Variants in OPN1SW observed in about 807,000 individuals in gnomAD.
OPN1SW encodes short-wave-sensitive opsin 1.
A neutral mutation model predicts 31.9 loss-of-function variants in OPN1SW; 25 were observed. The ratio of observed to expected loss-of-function variants is 0.78; its 90% confidence interval spans 0.57 to 1.09. OPN1SW has a LOEUF of 1.09. OPN1SW is among the 50% of genes least tolerant of loss of function. The pLI, the probability that OPN1SW is intolerant of heterozygous loss-of-function variation, is 0.00. For missense variants in OPN1SW, 424 were observed against 448.0 expected (o/e 0.95, Z 0.48); for synonymous variants, 190 against 171.9 (o/e 1.11, Z -0.82).
intron 3 of OPN1SW, 72 bp from the exon 4 acceptor site, chr7:128,773,960 TA>T (rs56762413): frequency 2.2e-4 from 314 of 1,402,972 alleles, no homozygotes; most frequent in Non-Finnish European, 2.6e-4. Flanking sequence ...TTTTTTTTTT[TA>T]ATTTTTAATT....
chr7:128,773,468 C>G (rs907370859), intron 4 of OPN1SW, among the ~76,000 whole-genome samples, 181 bp downstream of exon 4: 1 of 152,100 alleles, frequency 6.6e-6, no homozygotes, highest in Non-Finnish European at 1.5e-5. Context: ...ATTTTCTCGT[C>G]TTGATAACCG....
chr7:128,775,420 C>T lies in OPN1SW; in HGVS notation c.343+19G>A. On this transcript the variant is annotated intron_variant, in intron 1 of 4. Transcript: ENST00000249389. ...TAGCAACCTTTGCCTTCCCCTAACC[C>T]CTTTTTCCCCTGCAGTACCTGCTAC... The T allele has an allele frequency of 1.2e-6, 2 of 1,606,780 alleles. No homozygotes were observed. Among genetic ancestry groups the T allele is most frequent in the South Asian group, 1.1e-5 (1 of 90,730 alleles).
At chr7:128,774,430 T>C (rs17397588) in intron 3 of OPN1SW, 68 bp downstream of exon 3, 544,334 of 1,591,898 alleles carry the variant, frequency 0.34, 99,731 homozygotes, top group Middle Eastern at 0.39. Flanking sequence ...ATCTTATGTT[T>C]CAGAGCACTC....
At chr7:128,772,786 G>A in intron 4 of OPN1SW, 127 bp from the exon 5 acceptor site, 1 of 1,241,210 alleles carries the variant, frequency 8.1e-7, no homozygotes, top group Non-Finnish European at 1.2e-6. Flanking sequence ...AGGTGGTTTT[G>A]AATCTATCTT....
rs1554370107 is a variant in OPN1SW at position 128,774,513 on chromosome 7, C to G, written c.663G>C (p.Leu221=). 3.2e-5 allele frequency: 51 copies of G among 1,613,966 alleles called. 1 individual carries two copies. The South Asian group carries it at 5.2e-4, about 16-fold the overall frequency. Residue 221 remains leucine, a synonymous_variant, in exon 3 of 5, where the codon CTG becomes CTC. Transcript: ENST00000249389. ...SLICFSYTQL[L]RALKAVAAQQ... ...TGCCACTCACAGCTTTCAGGGCCCT[C>G]AGCAGCTGAGTGTAGGAGAAGCAGA...
chr7:128,774,018 G>C (rs746307458), intron 3 of OPN1SW, 130 bp from the exon 4 acceptor site: 6 of 1,267,156 alleles, frequency 4.7e-6, no homozygotes, highest in Non-Finnish European at 6.4e-6. Flanking sequence ...GCCCAGGCTG[G>C]AGTTGCAGTG....
At position 128,774,583 on chromosome 7, in the gene OPN1SW, G is replaced by C. The variant is rs1041014166; in HGVS notation, c.593C>G (p.Thr198Arg). ...GAAGCAGAAGATGAAGAGGAACCAC[G>C]TATAGGACTCGCTGCGGTATTTGGT... ...VGTKYRSESY[T>R]WFLFIFCFIV... is the part of the protein sequence containing the mutation. The change falls in exon 3 of 5, where the codon ACG becomes AGG. Residue 198 changes from threonine to arginine, a missense_variant. Thr to Arg is a moderately conservative substitution (Grantham distance 71). Coordinates refer to ENST00000249389, the MANE Select transcript of OPN1SW (RefSeq NM_001385125.1). 4 of 1,614,006 alleles carry C rather than the reference G, an allele frequency of 2.5e-6. No individual in the cohort carries two copies. The highest frequency in any genetic ancestry group is 1.7e-5 in the Admixed American group (1 of 59,986).
At chr7:128,772,941 C>T (rs1400934316) in intron 4 of OPN1SW, among the ~76,000 whole-genome samples, 6 of 152,232 alleles carry the variant, frequency 3.9e-5, no homozygotes, top group Non-Finnish European at 7.3e-5. Context: ...GAGGCCCCTC[C>T]ATTACTAGCA....
rs756329878 is a variant in OPN1SW, at chr7:128,775,137, A to G, written c.361T>C (p.Ser121Pro). 1 of 1,614,142 alleles carries G rather than the reference A, an allele frequency of 6.2e-7. No homozygotes were observed. Among genetic ancestry groups the G allele is most frequent in the Non-Finnish European group, 8.5e-7 (1 of 1,180,018 alleles). Residue 121 changes from serine to proline, a missense_variant, in exon 2 of 5, where the codon TCA becomes CCA. Transcript: ENST00000249389. ...CGCTCAAAGGCCAGGAAGGCCAGTG[A>G]CCATCCTGTAACCAGACCTGTGGTG... ...GTVAGLVTGW[S>P]LAFLAFERYI...
chr7:128,774,592 T>A lies in OPN1SW; in HGVS notation c.584A>T (p.Glu195Val). Residue 195 changes from glutamate (E) to valine (V), a missense_variant, in exon 3 of 5, where the codon GAG becomes GTG. By Grantham distance (121) the Glu-to-Val change is moderately radical. Coordinates refer to ENST00000249389, the MANE Select transcript of OPN1SW (RefSeq NM_001385125.1). ...GATGAAGAGGAACCACGTATAGGAC[T>A]CGCTGCGGTATTTGGTGCCCACGGT... ...WYTVGTKYRS[E>V]SYTWFLFIFC... The A allele has an allele frequency of 6.2e-7, 1 of 1,614,156 alleles. No individual in the cohort carries two copies. The highest frequency in any genetic ancestry group is 8.5e-7 in the Non-Finnish European group (1 of 1,180,038).
In OPN1SW at chr7:128,775,410, TC is replaced by T. The variant is rs746061098; in HGVS notation, c.343+28del. The stretch of plus-strand genomic sequence containing the variant: ...TCCAGTGGAGTAGCAACCTTTGCCT[TC>T]CCCTAACCCCTTTTTCCCCTGCAGT... On this transcript the variant is annotated intron_variant, in intron 1 of 4. Coordinates refer to ENST00000249389, the MANE Select transcript of OPN1SW (RefSeq NM_001385125.1). 17 of 1,596,378 alleles carry T rather than the reference TC, an allele frequency of 1.1e-5. No homozygotes were observed. In the East Asian group the frequency reaches 3.8e-4, roughly 36 times the overall value.
At position 128,772,502 on chromosome 7, in the gene OPN1SW, T is replaced by C. The variant is rs1406268333; in HGVS notation, c.*38A>G. On this transcript the variant is annotated 3_prime_UTR_variant, in exon 5 of 5. Coordinates refer to ENST00000249389, the MANE Select transcript of OPN1SW (RefSeq NM_001385125.1). Reference sequence around the variant, plus strand: ...ATAGAAACTTACTTAAAAGTAAAATTTAATTCTAGCTGTTGCAAACAGGCC... The same window carrying C: ...ATAGAAACTTACTTAAAAGTAAAATCTAATTCTAGCTGTTGCAAACAGGCC... 6.2e-7 allele frequency: 1 copy of C among 1,613,646 alleles called. No individual in the cohort carries two copies. Among genetic ancestry groups the C allele is most frequent in the Non-Finnish European group, 8.5e-7 (1 of 1,179,584 alleles).
intron 3 of OPN1SW, 69 bp from the exon 4 acceptor site, chr7:128,773,957 T>C: frequency 6.8e-7 from 1 of 1,474,602 alleles, no homozygotes; most frequent in Non-Finnish European, 9.0e-7. Flanking sequence ...TTTTTTTTTT[T>C]TTTAATTTTT....
chr7:128,775,743 A>G lies in OPN1SW; in HGVS notation c.39T>C (p.Ser13=), dbSNP rs373666894. Residue 13 remains serine, a synonymous_variant, in exon 1 of 5, where the codon TCT becomes TCC. Transcript: ENST00000249389. ...EEEFYLFKNI[S]SVGPWDGPQY... is the part of the protein sequence containing the mutation. ...GAGGCCCATCCCACGGCCCCACTGA[A>G]GAGATATTTTTGAACAGATAAAACT... The G allele has an allele frequency of 2.5e-6, 4 of 1,613,956 alleles. No homozygotes were observed. Among genetic ancestry groups the G allele is most frequent in the African/African-American group, 1.3e-5 (1 of 74,878 alleles).
At position 128,772,539 on chromosome 7, in the gene OPN1SW, C is replaced by T. The variant is rs772553185; in HGVS notation, c.*1G>A. The T allele has an allele frequency of 2.5e-6, 4 of 1,614,086 alleles. No individual in the cohort carries two copies. Among genetic ancestry groups the T allele is most frequent in the Non-Finnish European group, 2.5e-6 (3 of 1,180,014 alleles). ...GTTGCAAACAGGCCAATATTGGGTC[C>T]TCAGTTGGGGCCAACTTGGGTAGAC... On this transcript the variant is annotated 3_prime_UTR_variant, in exon 5 of 5. Coordinates refer to ENST00000249389, the MANE Select transcript of OPN1SW (RefSeq NM_001385125.1).
In OPN1SW at chr7:128,773,606, C is replaced by T. The variant is rs755095845; in HGVS notation, c.918+43G>A. On this transcript the variant is annotated intron_variant, in intron 4 of 4. Coordinates refer to ENST00000249389, the MANE Select transcript of OPN1SW (RefSeq NM_001385125.1). ...TTAAAAGTCAATGGTGAGAAAAGAA[C>T]CAGGGTCTTCTGGACCATAGGAATG... 11 of 1,613,638 alleles carry T rather than the reference C, an allele frequency of 6.8e-6. No individual in the cohort carries two copies. In the Admixed American group the frequency reaches 1.8e-4, roughly 27 times the overall value.
intron 3 of OPN1SW, 112 bp downstream of exon 3, chr7:128,774,386 T>G: frequency 7.1e-7 from 1 of 1,414,538 alleles, no homozygotes; most frequent in Non-Finnish European, 9.9e-7. Flanking sequence ...TTGCTGCTTT[T>G]AGATACCCTC....
chr7:128,775,171 G>T lies in OPN1SW; in HGVS notation c.344-17C>A. 6.2e-7 allele frequency: 1 copy of T among 1,613,454 alleles called. No individual in the cohort carries two copies. The highest frequency in any genetic ancestry group is 8.5e-7 in the Non-Finnish European group (1 of 1,179,634). ...TAACCAGACCTGTGGTGAAATGTGA[G>T]GATAATGGGCTAGACAGAGCCCCAC... On this transcript the variant is annotated splice_polypyrimidine_tract_variant and intron_variant, in intron 1 of 4. Coordinates refer to ENST00000249389, the MANE Select transcript of OPN1SW (RefSeq NM_001385125.1).
At position 128,773,778 on chromosome 7, in the gene OPN1SW, C is replaced by T. The variant is rs775611802; in HGVS notation, c.789G>A (p.Ala263=). ...GSFCVCYVPY[A]AFAMYMVNNR... ...TGTTGACCATGTACATGGCGAAGGC[C>T]GCGTAGGGCACGTAGCAGACACAGA... Residue 263 remains alanine (A), a synonymous_variant, in exon 4 of 5, where the codon GCG becomes GCA. Transcript: ENST00000249389. 3.2e-5 allele frequency: 51 copies of T among 1,614,018 alleles called. No homozygotes were observed. The highest frequency in any genetic ancestry group is 8.9e-5 in the East Asian group (4 of 44,892).
Sources: allele counts gnomAD v4.1 joint callset (sites outside exome capture counted in the v4.1 genomes callset), GRCh38; gene constraint gnomAD v4.1.1; transcripts MANE v1.5; gene names NCBI Gene and HGNC (gene_info 2026-07-23, HGNC 2026-07-21).